Variants in MEGF8 observed in about 807,000 individuals in gnomAD.
MEGF8 encodes multiple EGF like domains 8, also known as multiple epidermal growth factor-like domains protein 8.
In MEGF8, 156 loss-of-function variants were observed where a neutral mutation model predicts 302.9. The ratio of observed to expected loss-of-function variants is 0.52; its 90% CI spans 0.45 to 0.59. The LOEUF (loss-of-function observed/expected upper bound fraction) is 0.59, where lower values mean the gene tolerates loss of function less well. Ranked by LOEUF, MEGF8 falls within the 20% of genes least tolerant of loss-of-function variation. The pLI is 0.00. For missense variants in MEGF8, 3,345 were observed against 3,964.5 expected, an observed-to-expected ratio of 0.84 and a Z score of 4.20; for synonymous variants, 1,621 against 1,660.5, an observed-to-expected ratio of 0.98 and a Z score of 0.58.
chr19:42,326,788 G>A (rs931827106), intron 1 of MEGF8, among the ~76,000 whole-genome samples: 1 of 148,708 alleles, frequency 6.7e-6, no homozygotes, highest in Non-Finnish European at 1.5e-5. Flanking sequence ...TGTCACCCAG[G>A]CTGGAGTGCA....
Position 42,369,203 on chromosome 19 carries a change from G to A in MEGF8, c.6641+201G>A, listed in dbSNP as rs1600074160. Among the ~76,000 whole-genome samples, 3 of 152,290 alleles carry A rather than the reference G, an allele frequency of 2.0e-5. 1 individual carries two copies. The South Asian group carries it at 6.2e-4, about 32-fold the overall frequency. ...GTTTCATAGGGTACCCCAATGGCCG[G>A]GCACAGTGGCTGATGCCTGTAATCC... On this transcript the variant is annotated intron_variant, in intron 37 of 41. Coordinates refer to ENST00000251268, the MANE Select transcript of MEGF8 (RefSeq NM_001271938.2). This position sits in a 1 kb window ranked among gnomAD's most constrained non-coding sequence, Gnocchi z 5.7.
Position 42,368,623 on chromosome 19 carries a change from G to A in MEGF8, c.6442G>A (p.Gly2148Ser). The A allele has an allele frequency of 2.6e-6, 4 of 1,566,408 alleles. No individual in the cohort carries two copies. The highest frequency in any genetic ancestry group is 3.5e-6 in the Non-Finnish European group (4 of 1,156,486). Residue 2148 changes from glycine (G) to serine (S), a missense_variant, in exon 36 of 42, where the codon GGC becomes AGC. Transcript: ENST00000251268. The surrounding 1 kb of genome is among the most constrained non-coding windows in gnomAD (Gnocchi z 4.9). ...TGCCTGGGGGGGCCAGGATGGGGGT[G>A]GCCGCTGCATGGAGGGTGGACTCAG... ...WCAWGGQDGG[G>S]RCMEGGLSGP... is the part of the protein sequence containing the mutation.
chr19:42,334,978 C>T, intron 3 of MEGF8, 57 bp from the exon 4 acceptor site: 7 of 1,518,812 alleles, frequency 4.6e-6, no homozygotes, highest in Non-Finnish European at 5.3e-6. Context: ...TCTCCTTTGT[C>T]TCTCTGTCCT....
chr19:42,371,632 A>G, intron 41 of MEGF8, 150 bp downstream of exon 41: 1 of 1,121,378 alleles, frequency 8.9e-7, no homozygotes, highest in Admixed American at 2.2e-5. Flanking sequence ...ACTGTTCCTG[A>G]GCCCCATTCA....
Position 42,356,542 on chromosome 19 carries a change from C to A in MEGF8, c.4622+89C>A. 4 of 1,144,608 alleles carry A rather than the reference C, an allele frequency of 3.5e-6. No individual in the cohort carries two copies. The highest frequency in any genetic ancestry group is 4.8e-6 in the Non-Finnish European group (4 of 825,362). The allele number at this position is 1,144,608 out of a possible 1,614,324, so 70.9% of individuals were successfully genotyped here. A position where few individuals can be genotyped will look rare whatever the true frequency, so the allele number is the denominator to read the frequency against. On this transcript the variant is annotated intron_variant, in intron 26 of 41. Transcript: ENST00000251268. The surrounding 1 kb of genome is among the most constrained non-coding windows in gnomAD (Gnocchi z 5.2). ...GTCACCTCAGAGGAGTGCAGAAAAG[C>A]CTCTAAGGTAAAGGACAGCCCAAAG...
At chr19:42,337,934 G>C (rs2039155205) in intron 8 of MEGF8, among the ~76,000 whole-genome samples, 1 of 152,152 alleles carries the variant, frequency 6.6e-6, no homozygotes, top group African/African-American at 2.4e-5. Flanking sequence ...CTCCTGAGTA[G>C]CTGGGATTAT....
intron 1 of MEGF8, 88 bp downstream of exon 1, chr19:42,326,518 GTTCT>G: frequency 4.1e-6 from 6 of 1,451,150 alleles, no homozygotes; most frequent in Middle Eastern, 1.8e-4. Context: ...CCAGAGCTCG[GTTCT>G]GGTCCAGGCC....
Position 42,326,308 on chromosome 19 carries a change from C to T in MEGF8, c.65C>T (p.Ser22Phe), listed in dbSNP as rs1475448824. ...VLALAVLGSL[S>F]PGARAGDCKG... ...GCCTTGGCCGTGCTGGGGTCGCTGT[C>T]CCCTGGGGCCCGGGCGGGGGACTGC... The change falls in exon 1 of 42, where the codon TCC becomes TTC. Residue 22 changes from serine (S) to phenylalanine (F), a missense_variant. Ser to Phe is a radical substitution (Grantham distance 155). Transcript: ENST00000251268. The T allele has an allele frequency of 1.3e-6, 2 of 1,562,502 alleles. No individual in the cohort carries two copies. The highest frequency in any genetic ancestry group is 1.7e-6 in the Non-Finnish European group (2 of 1,161,572).
At position 42,343,461 on chromosome 19, in the gene MEGF8, G is replaced by C. The variant is rs758929945; in HGVS notation, c.1514-16G>C. 1.3e-6 allele frequency: 2 copies of C among 1,576,234 alleles called. No individual in the cohort carries two copies. The highest frequency in any genetic ancestry group is 1.7e-6 in the Non-Finnish European group (2 of 1,153,500). ...CTGGGGGTCTAATAATGTCATTGGG[G>C]TCTCTATTCCCCTAGGCCGAGCAGC... On this transcript the variant is annotated splice_polypyrimidine_tract_variant and intron_variant, in intron 8 of 41. Transcript: ENST00000251268.
chr19:42,354,638 T>G lies in MEGF8; in HGVS notation c.4062T>G (p.Gly1354=), dbSNP rs778957010. 2 of 1,612,776 alleles carry G rather than the reference T, an allele frequency of 1.2e-6. No homozygotes were observed. Among genetic ancestry groups the G allele is most frequent in the Middle Eastern group, 1.6e-4 (1 of 6,082 alleles). The change falls in exon 23 of 42, where the codon GGT becomes GGG. Residue 1354 remains glycine, a synonymous_variant. Coordinates refer to ENST00000251268, the MANE Select transcript of MEGF8 (RefSeq NM_001271938.2). This position sits in a 1 kb window ranked among gnomAD's most constrained non-coding sequence, Gnocchi z 4.3. ...GATTCCCACGCTTCCTGGACACTGG[T>G]GTTGTCCAGTCGGACCGCAGCCTCA... ...FDGFPRFLDT[G]VVQSDRSLIA...
rs1452553139 is a variant in MEGF8 at position 42,326,187 on chromosome 19, T to C, written c.-57T>C. ...GCAGGGCCTCACCCCGGGTAGAGGGTCCTCTCCAGGTTTTTACGGCCTGTC... is the reference window on the plus strand; with the variant it reads ...GCAGGGCCTCACCCCGGGTAGAGGGCCCTCTCCAGGTTTTTACGGCCTGTC... On this transcript the variant is annotated 5_prime_UTR_variant, in exon 1 of 42. Coordinates refer to ENST00000251268, the MANE Select transcript of MEGF8 (RefSeq NM_001271938.2). 3 of 1,447,960 alleles carry C rather than the reference T, an allele frequency of 2.1e-6. No homozygotes were observed. The Admixed American group carries it at 9.2e-5, about 44-fold the overall frequency. The allele number at this position is 1,447,960 out of a possible 1,614,324, so 89.7% of individuals were successfully genotyped here.
intron 33 of MEGF8, 41 bp downstream of exon 33, chr19:42,362,254 A>C (rs1228258307): frequency 4.3e-6 from 7 of 1,609,488 alleles, no homozygotes; most frequent in Non-Finnish European, 5.9e-6. Context: ...CAGCAGGTGT[A>C]GGGCAGGGAG....
Position 42,355,843 on chromosome 19 carries a change from G to A in MEGF8, c.4230G>A (p.Gly1410=), listed in dbSNP as rs1488937759. Residue 1410 remains glycine (G), a synonymous_variant, in exon 24 of 42, where the codon GGG becomes GGA. Transcript: ENST00000251268. ...ASVGSARCGS[G]GPGSCPVPQE... ...TGGGCTCTGCCCGCTGTGGGTCAGG[G>A]GGCCCCGGGAGCTGTCCCGTCCCCC... 6.4e-7 allele frequency: 1 copy of A among 1,568,126 alleles called. No individual in the cohort carries two copies. Among genetic ancestry groups the A allele is most frequent in the African/African-American group, 1.4e-5 (1 of 74,012 alleles).
chr19:42,325,687 A>G lies in MEGF8; in HGVS notation c.-557A>G, dbSNP rs2038974775. 6.5e-6 allele frequency: 1 copy of G among 152,706 alleles called. No homozygotes were observed. Among genetic ancestry groups the G allele is most frequent in the African/African-American group, 2.4e-5 (1 of 41,594 alleles). The allele number at this position is 152,706 out of a possible 1,614,324, so 9.5% of individuals were successfully genotyped here. A position where few individuals can be genotyped will look rare whatever the true frequency, so the allele number is the denominator to read the frequency against. On this transcript the variant is annotated 5_prime_UTR_variant, in exon 1 of 42. Coordinates refer to ENST00000251268, the MANE Select transcript of MEGF8 (RefSeq NM_001271938.2). ...CGGAGGGAGGCGAGGGTGGGTGAGC[A>G]AAGGGATTGGGTCTGTGGGGTCCAG...
chr19:42,350,388 C>G lies in MEGF8; in HGVS notation c.2736+4C>G. ...GGACTGCCACGCCTGCACCCAGGTG[C>G]CTGTGGGGCCACCAGGGGAGGTCAC... is the stretch of plus-strand genomic sequence containing the variant. On this transcript the variant is annotated splice_donor_region_variant and intron_variant, in intron 15 of 41. Transcript: ENST00000251268. 1 of 1,519,088 alleles carries G rather than the reference C, an allele frequency of 6.6e-7. No homozygotes were observed. Among genetic ancestry groups the G allele is most frequent in the Non-Finnish European group, 8.8e-7 (1 of 1,133,768 alleles). 94.1% of individuals were successfully genotyped at this position (1,519,088 alleles called of 1,614,324 possible).
Position 42,376,145 on chromosome 19 carries a change from G to A in MEGF8, c.7908G>A (p.Leu2636=), listed in dbSNP as rs749822553. 2 of 1,609,838 alleles carry A rather than the reference G, an allele frequency of 1.2e-6. No homozygotes were observed. Among genetic ancestry groups the A allele is most frequent in the East Asian group, 2.2e-5 (1 of 44,864 alleles). The change falls in exon 42 of 42, where the codon CTG becomes CTA. Residue 2636 remains leucine (L), a synonymous_variant. Transcript: ENST00000251268. This position sits in a 1 kb window ranked among gnomAD's most constrained non-coding sequence, Gnocchi z 8.2. ...ACGGCTCAGCCGACTCGCAGGGCCT[G>A]CTCTTCTTCCGGCAGGACCAGGCCC... is the stretch of plus-strand genomic sequence containing the variant. ...GANGSADSQG[L]LFFRQDQAHI...
rs777642371 is a variant in MEGF8, at chr19:42,336,306, G to A, written c.1204G>A (p.Ala402Thr). The change falls in exon 6 of 42, where the codon GCC becomes ACC. Residue 402 changes from alanine to threonine, a missense_variant. Ala to Thr is a moderately conservative substitution (Grantham distance 58). Coordinates refer to ENST00000251268, the MANE Select transcript of MEGF8 (RefSeq NM_001271938.2). This position sits in a 1 kb window ranked among gnomAD's most constrained non-coding sequence, Gnocchi z 4.8. The stretch of plus-strand genomic sequence containing the variant: ...CATGGTGTTCCATGCCCCCTCCCGT[G>A]CCCTGCTGGTCCATGGTGGACACCG... ...HSMVFHAPSR[A>T]LLVHGGHRPS... The A allele has an allele frequency of 6.2e-7, 1 of 1,607,042 alleles. No individual in the cohort carries two copies.
In MEGF8 at chr19:42,368,646, C is replaced by G. The variant is rs1247319095; in HGVS notation, c.6465C>G (p.Leu2155=). The G allele has an allele frequency of 6.5e-7, 1 of 1,549,804 alleles. No homozygotes were observed. The highest frequency in any genetic ancestry group is 8.7e-7 in the Non-Finnish European group (1 of 1,147,836). The change falls in exon 36 of 42, where the codon CTC becomes CTG. Residue 2155 remains leucine (L), a synonymous_variant. Transcript: ENST00000251268. The surrounding 1 kb of genome is among the most constrained non-coding windows in gnomAD (Gnocchi z 4.9). ...DGGGRCMEGG[L]SGPRDGLTCG... ...GTGGCCGCTGCATGGAGGGTGGACTCAGCGGCCCCCGTGATGGTGAGAGGG... is the reference window on the plus strand; with the variant it reads ...GTGGCCGCTGCATGGAGGGTGGACTGAGCGGCCCCCGTGATGGTGAGAGGG...
chr19:42,376,136 G>T lies in MEGF8; in HGVS notation c.7899G>T (p.Ser2633=), dbSNP rs769869312. 4.4e-6 allele frequency: 7 copies of T among 1,608,626 alleles called. No homozygotes were observed. Among genetic ancestry groups the T allele is most frequent in the Non-Finnish European group, 5.9e-6 (7 of 1,179,750 alleles). Residue 2633 remains serine (S), a synonymous_variant, in exon 42 of 42, where the codon TCG becomes TCT. Transcript: ENST00000251268. The surrounding 1 kb of genome is among the most constrained non-coding windows in gnomAD (Gnocchi z 8.2). ...SGPGANGSAD[S]QGLLFFRQDQ... ...CCGGCGCCAACGGCTCAGCCGACTC[G>T]CAGGGCCTGCTCTTCTTCCGGCAGG... is the stretch of plus-strand genomic sequence containing the variant.
Sources: allele counts gnomAD v4.1 joint callset (sites outside exome capture counted in the v4.1 genomes callset), GRCh38; gene constraint gnomAD v4.1.1; non-coding constraint Gnocchi (gnomAD v3.1); transcripts MANE v1.5; gene names NCBI Gene and HGNC (gene_info 2026-07-23, HGNC 2026-07-21).